Variants in CRACD observed in about 807,000 individuals in gnomAD.
CRACD encodes capping protein-inhibiting regulator of actin dynamics.
In CRACD, 56 loss-of-function variants were observed where a neutral mutation model predicts 106.8. The ratio of observed to expected loss-of-function variants is 0.52; its 90% CI spans 0.42 to 0.66. The LOEUF (loss-of-function observed/expected upper bound fraction) is 0.66. Among genes scored for constraint, CRACD ranks in the 30% least tolerant of loss-of-function variants. The pLI, the probability that CRACD is intolerant of heterozygous loss-of-function variation, is 0.00. For missense variants in CRACD, 1,730 were observed against 1,623.2 expected, an observed-to-expected ratio of 1.07 and a Z score of -1.13; for synonymous variants, 754 against 670.8, an observed-to-expected ratio of 1.12 and a Z score of -1.92.
At chr4:56,109,879 G>C (rs907759384) in intron 1 of CRACD, among the ~76,000 whole-genome samples, 1 of 151,688 alleles carries the variant, frequency 6.6e-6, no homozygotes, top group Non-Finnish European at 1.5e-5. Flanking sequence ...TCAAATAATG[G>C]AAAATCCACA....
chr4:56,058,320 C>T (rs1732158211), intron 1 of CRACD, among the ~76,000 whole-genome samples: 1 of 152,196 alleles, frequency 6.6e-6, no homozygotes, highest in African/African-American at 2.4e-5. Flanking sequence ...TCCCCTGCCT[C>T]GGCCTCCCAG....
intron 1 of CRACD, among the ~76,000 whole-genome samples, chr4:56,178,614 T>C (rs1736684941): frequency 6.6e-6 from 1 of 152,198 alleles, no homozygotes; most frequent in Non-Finnish European, 1.5e-5. Context: ...CCAACCCCCA[T>C]CAGGGCTTGA....
intron 3 of CRACD, among the ~76,000 whole-genome samples, chr4:56,277,600 C>G (rs754931309): frequency 9.2e-5 from 14 of 152,172 alleles, no homozygotes; most frequent in Non-Finnish European, 1.8e-4. Flanking sequence ...ACAAGGGTTT[C>G]TTATCTCATT....
chr4:56,193,377 G>A (rs1262733648), intron 2 of CRACD, among the ~76,000 whole-genome samples: 39 of 152,118 alleles, frequency 2.6e-4, no homozygotes, highest in Non-Finnish European at 2.9e-5. Flanking sequence ...CACATAAAAT[G>A]ATCAAAGTTT....
intron 2 of CRACD, among the ~76,000 whole-genome samples, chr4:56,186,371 C>T (rs1166184276): frequency 6.6e-6 from 1 of 152,124 alleles, no homozygotes; most frequent in Non-Finnish European, 1.5e-5. Flanking sequence ...ACAGGACAAA[C>T]GATGACTTGT....
chr4:56,323,276 C>A, intron 8 of CRACD, 101 bp from the exon 9 acceptor site: 1 of 1,033,820 alleles, frequency 9.7e-7, no homozygotes, highest in Non-Finnish European at 1.4e-6. Context: ...GCTGAATATG[C>A]CATAGGGTTA....
intron 2 of CRACD, among the ~76,000 whole-genome samples, chr4:56,181,675 C>T (rs1230681758): frequency 6.6e-6 from 1 of 152,178 alleles, no homozygotes; most frequent in Non-Finnish European, 1.5e-5. Flanking sequence ...TTCCTTGGCT[C>T]TTCCTGGCTT....
chr4:56,070,043 G>A (rs1732585437), intron 1 of CRACD, among the ~76,000 whole-genome samples: 1 of 152,130 alleles, frequency 6.6e-6, no homozygotes, highest in Non-Finnish European at 1.5e-5. Context: ...AGATGTTTTG[G>A]AGCCAACGGG....
At chr4:56,323,613 G>C in intron 9 of CRACD, 46 bp downstream of exon 9, 1 of 1,467,826 alleles carries the variant, frequency 6.8e-7, no homozygotes, top group Non-Finnish European at 9.0e-7. Flanking sequence ...CCTGAGCTTG[G>C]TTCTCTTTTC....
chr4:56,316,216 C>A lies in CRACD; in HGVS notation c.2714C>A (p.Ser905Tyr). The A allele has an allele frequency of 6.2e-7, 1 of 1,614,078 alleles. No homozygotes were observed. The highest frequency in any genetic ancestry group is 1.3e-5 in the African/African-American group (1 of 75,056). The change falls in exon 8 of 11, where the codon TCC becomes TAC. Residue 905 changes from serine (S) to tyrosine (Y), a missense_variant. Coordinates refer to ENST00000682029, the MANE Select transcript of CRACD (RefSeq NM_001393381.1). ...GGTGTGGCCCTCAAGCATGGTCCAT[C>A]CCTCCCCCAAGAGCGGAAGCAAGCC... ...MEGVALKHGP[S>Y]LPQERKQAPS...
chr4:56,207,790 T>G (rs1241878391), intron 2 of CRACD, among the ~76,000 whole-genome samples: 2 of 140,950 alleles, frequency 1.4e-5, no homozygotes, highest in African/African-American at 2.6e-5. Flanking sequence ...GCTTATTTTA[T>G]TTTATTTTTT....
intron 3 of CRACD, among the ~76,000 whole-genome samples, chr4:56,293,178 G>C (rs1743795776): frequency 6.6e-6 from 1 of 152,130 alleles, no homozygotes; most frequent in Admixed American, 6.6e-5. Context: ...AAAAAGAATG[G>C]TAGCTATAAT....
At chr4:56,267,214 G>A (rs1430601436) in intron 2 of CRACD, among the ~76,000 whole-genome samples, 3 of 151,328 alleles carry the variant, frequency 2.0e-5, no homozygotes, top group Non-Finnish European at 4.4e-5. Context: ...TCTGCCTCCC[G>A]GGTTCAAGCA....
chr4:56,185,106 A>G (rs943086381), intron 2 of CRACD, among the ~76,000 whole-genome samples: 42 of 152,148 alleles, frequency 2.8e-4, no homozygotes, highest in African/African-American at 9.9e-4. Context: ...ACAGGCGCCC[A>G]CCACCACGCC....
chr4:56,308,430 G>T (rs2109749667), intron 5 of CRACD, among the ~76,000 whole-genome samples: 1 of 151,528 alleles, frequency 6.6e-6, no homozygotes, highest in Middle Eastern at 3.4e-3. Flanking sequence ...CCAGTAGCGA[G>T]TCAGGAATTC....
chr4:56,303,822 T>A (rs1744508937), intron 4 of CRACD, among the ~76,000 whole-genome samples: 1 of 152,236 alleles, frequency 6.6e-6, no homozygotes, highest in African/African-American at 2.4e-5. Context: ...CTGTAGGGCA[T>A]GTCTTCGAGG....
At chr4:56,278,124 A>G (rs1742783818) in intron 3 of CRACD, among the ~76,000 whole-genome samples, 1 of 152,154 alleles carries the variant, frequency 6.6e-6, no homozygotes, top group Admixed American at 6.5e-5. Context: ...TCAAAATCCT[A>G]GCTGTCTTTT....
chr4:56,143,408 A>G (rs1735272491), intron 1 of CRACD, among the ~76,000 whole-genome samples: 1 of 152,158 alleles, frequency 6.6e-6, no homozygotes, highest in African/African-American at 2.4e-5. Flanking sequence ...ATATAAAACA[A>G]TAATAGCATT....
intron 8 of CRACD, among the ~76,000 whole-genome samples, chr4:56,318,489 G>C (rs1745832639): frequency 6.6e-6 from 1 of 152,170 alleles, no homozygotes; most frequent in African/African-American, 2.4e-5. Context: ...AGCCTCGTCT[G>C]CTATGTCACT....
Sources: gnomAD v4.1 joint callset for allele counts (sites outside exome capture counted in the v4.1 genomes callset) on GRCh38, gnomAD v4.1.1 for gene constraint, MANE v1.5 for transcripts, NCBI Gene and HGNC (gene_info 2026-07-23, HGNC 2026-07-21) for gene names.